ABLIM1: variants seen among roughly 807,000 people sequenced by gnomAD.
ABLIM1 encodes the protein actin-binding LIM protein 1.
Under a neutral mutation model 107.0 loss-of-function variants are expected in ABLIM1, and 40 were observed. That is an observed-to-expected ratio of 0.37 (90% CI 0.29 to 0.49). The LOEUF (loss-of-function observed/expected upper bound fraction) is 0.49. Among genes scored for constraint, ABLIM1 ranks in the 20% least tolerant of loss-of-function variants. The pLI is 0.97. For synonymous variants in ABLIM1, 357 were observed against 357.3 expected (o/e 1.00, Z 0.01); for missense variants, 857 against 1,008.5 (o/e 0.85, Z 2.04).
upstream of ABLIM1, among the ~76,000 whole-genome samples, chr10:114,660,507 A>C (rs371201827): frequency 6.9e-6 from 1 of 145,296 alleles, no homozygotes; most frequent in African/African-American, 2.7e-5. Flanking sequence ...TTCATCCATC[A>C]AAAAAAAAAC....
chr10:114,794,431 G>T, the ABLIM1 span, among the ~76,000 whole-genome samples: 1 of 150,174 alleles, frequency 6.7e-6, no homozygotes, highest in Non-Finnish European at 1.5e-5. Flanking sequence ...AAGTTTTGCT[G>T]AATGAATGAA....
chr10:114,443,354 C>T (rs1341723277), intron 17 of ABLIM1, among the ~76,000 whole-genome samples: 2 of 151,246 alleles, frequency 1.3e-5, no homozygotes, highest in African/African-American at 4.9e-5. Context: ...CTCTTGTCGC[C>T]CAGGCTGGAG....
At chr10:114,639,444 T>C (rs2078635310) in intron 1 of ABLIM1, among the ~76,000 whole-genome samples, 1 of 152,226 alleles carries the variant, frequency 6.6e-6, no homozygotes, top group African/African-American at 2.4e-5. Flanking sequence ...CCAGTGGTTA[T>C]TCTATCATGC....
intron 11 of ABLIM1, among the ~76,000 whole-genome samples, chr10:114,466,829 G>A (rs188621488): frequency 3.6e-4 from 55 of 152,160 alleles, no homozygotes; most frequent in Non-Finnish European, 6.3e-4. Flanking sequence ...AAAAATTTGC[G>A]TTACATGTTC....
At chr10:114,800,947 A>C in the ABLIM1 span, among the ~76,000 whole-genome samples, 2 of 152,146 alleles carry the variant, frequency 1.3e-5, no homozygotes, top group Non-Finnish European at 2.9e-5. Flanking sequence ...GAAAAGAAAA[A>C]GAGAATCCAC....
chr10:114,738,953 G>A (rs2082237153), intron 1 of ABLIM1, among the ~76,000 whole-genome samples: 1 of 152,134 alleles, frequency 6.6e-6, no homozygotes, highest in African/African-American at 2.4e-5. Context: ...AGTAATGGGG[G>A]TGAAAGTATT....
At chr10:114,772,122 T>C (rs1202136239), upstream of ABLIM1, among the ~76,000 whole-genome samples, 1 of 152,072 alleles carries the variant, frequency 6.6e-6, no homozygotes, top group African/African-American at 2.4e-5. Flanking sequence ...ACCTTTATAA[T>C]ACCTACTATG....
upstream of ABLIM1, among the ~76,000 whole-genome samples, chr10:114,769,722 AT>A: frequency 6.6e-6 from 1 of 152,354 alleles, no homozygotes; most frequent in African/African-American, 2.4e-5. Flanking sequence ...TTCAGAAAAA[AT>A]AATTGATGGA....
At chr10:114,534,627 A>ACCCGCCGCCGCCAC (rs1298551139) in intron 6 of ABLIM1, among the ~76,000 whole-genome samples, 1 of 151,776 alleles carries the variant, frequency 6.6e-6, no homozygotes, top group African/African-American at 2.4e-5. Flanking sequence ...TTTGTGACCC[A>ACCCGCCGCCGCCAC]CCCGCCGCCG....
At chr10:114,436,442 GC>G in intron 22 of ABLIM1, 69 bp from the exon 23 acceptor site, 1 of 1,179,460 alleles carries the variant, frequency 8.5e-7, no homozygotes, top group Non-Finnish European at 1.2e-6. Context: ...CTTGAGCGTT[GC>G]TCTATAGTTT....
At chr10:114,491,012 G>GTGTGTGTGTGTGTGTATA in intron 7 of ABLIM1, among the ~76,000 whole-genome samples, 48 of 92,384 alleles carry the variant, frequency 5.2e-4, no homozygotes, top group South Asian at 2.4e-3. Context: ...GTGTGTGTGT[G>GTGTGTGTGTGTGTGTATA]TATATATATA....
the ABLIM1 span, among the ~76,000 whole-genome samples, chr10:114,798,732 C>T: frequency 6.6e-6 from 1 of 152,106 alleles, no homozygotes; most frequent in Admixed American, 6.5e-5. Flanking sequence ...CAAAGCAAGA[C>T]CCTGTCTCTA....
At chr10:114,603,968 A>AC (rs2076232548) in intron 1 of ABLIM1, among the ~76,000 whole-genome samples, 1 of 152,000 alleles carries the variant, frequency 6.6e-6, no homozygotes, top group Non-Finnish European at 1.5e-5. Context: ...AAAAAAAAAA[A>AC]AAAAAGTTTT....
chr10:114,769,964 T>C (rs1325302666), upstream of ABLIM1, among the ~76,000 whole-genome samples: 1 of 152,160 alleles, frequency 6.6e-6, no homozygotes, highest in African/African-American at 2.4e-5. Context: ...CCTCTCCCAC[T>C]ATCCTCATTC....
At chr10:114,578,363 C>T (rs116126094) in intron 2 of ABLIM1, among the ~76,000 whole-genome samples, 3,238 of 152,000 alleles carry the variant, frequency 0.021, 108 homozygotes, top group African/African-American at 0.073. Context: ...AAAATGGTAG[C>T]TGTATCCATT....
At chr10:114,559,684 C>T (rs550940311) in intron 4 of ABLIM1, among the ~76,000 whole-genome samples, 8 of 152,228 alleles carry the variant, frequency 5.3e-5, no homozygotes, top group African/African-American at 1.9e-4. Context: ...ACATGCCTTG[C>T]AAACATTATG....
intron 1 of ABLIM1, among the ~76,000 whole-genome samples, chr10:114,640,179 T>C (rs2078674064): frequency 6.6e-6 from 1 of 152,138 alleles, no homozygotes. Context: ...TATTCATCAA[T>C]AAGTCAAAGG....
intron 4 of ABLIM1, among the ~76,000 whole-genome samples, chr10:114,563,152 T>C (rs941422730): frequency 3.3e-5 from 5 of 152,232 alleles, no homozygotes; most frequent in Non-Finnish European, 5.9e-5. Flanking sequence ...TCTGTAGCAC[T>C]TAGAGCGATA....
At chr10:114,650,182 T>G (rs981303356) in intron 1 of ABLIM1, among the ~76,000 whole-genome samples, 1 of 152,126 alleles carries the variant, frequency 6.6e-6, no homozygotes, top group East Asian at 1.9e-4. Flanking sequence ...CCCTTTCTGT[T>G]AGCAGCTTTG....
Sources: allele counts gnomAD v4.1 joint callset (sites outside exome capture counted in the v4.1 genomes callset), GRCh38; gene constraint gnomAD v4.1.1; transcripts MANE v1.5; gene names NCBI Gene and HGNC (gene_info 2026-07-23, HGNC 2026-07-21).